The following WDFY3 variants were observed in gnomAD, a reference collection of about 807,000 sequenced individuals.
The protein encoded by WDFY3 is WD repeat and FYVE domain containing 3, also known as WD repeat and FYVE domain-containing protein 3.
In WDFY3, 66 loss-of-function variants were observed where a neutral mutation model predicts 409.6. The observed-to-expected ratio is 0.16, with a 90% CI of 0.13 to 0.20. The LOEUF (loss-of-function observed/expected upper bound fraction) is 0.20. WDFY3 is among the 10% of genes least tolerant of loss of function. The pLI is 1.00. For synonymous variants in WDFY3, 1,521 were observed against 1,537.1 expected, an observed-to-expected ratio of 0.99 and a Z score of 0.25; for missense variants, 3,031 against 4,298.1, an observed-to-expected ratio of 0.71 and a Z score of 8.24.
At chr4:84,922,271 C>T (rs560216224) in intron 2 of WDFY3, among the ~76,000 whole-genome samples, 44 of 152,152 alleles carry the variant, frequency 2.9e-4, no homozygotes, top group African/African-American at 1.0e-3. Context: ...GCCAAATATA[C>T]ATTAAAGAGT....
chr4:84,907,456 G>T (rs1326272855), intron 2 of WDFY3, among the ~76,000 whole-genome samples: 1 of 152,134 alleles, frequency 6.6e-6, no homozygotes, highest in Non-Finnish European at 1.5e-5. Flanking sequence ...TCTGCTGACA[G>T]CTAGTAAGAA....
intron 22 of WDFY3, among the ~76,000 whole-genome samples, chr4:84,788,974 C>T (rs1020225272): frequency 1.3e-5 from 2 of 151,966 alleles, no homozygotes; most frequent in African/African-American, 2.4e-5. Context: ...GAGCTGAGAT[C>T]GTGCCACTGC....
chr4:84,926,192 G>A (rs1769964305), intron 2 of WDFY3, among the ~76,000 whole-genome samples: 1 of 143,090 alleles, frequency 7.0e-6, no homozygotes, highest in African/African-American at 2.6e-5. Flanking sequence ...GCGACAGAGT[G>A]AGACTCCGTC....
At chr4:84,835,110 T>C (rs1047552434) in intron 7 of WDFY3, among the ~76,000 whole-genome samples, 7 of 152,228 alleles carry the variant, frequency 4.6e-5, no homozygotes, top group African/African-American at 1.4e-4. Flanking sequence ...TAATATTCAA[T>C]GACTTCAGTA....
At chr4:84,837,633 A>G (rs191515333) in intron 6 of WDFY3, among the ~76,000 whole-genome samples, 1 of 152,304 alleles carries the variant, frequency 6.6e-6, no homozygotes, top group East Asian at 1.9e-4. Context: ...CACTGACACA[A>G]ATACATCTCT....
intron 25 of WDFY3, 46 bp downstream of exon 25, chr4:84,782,917 G>T: frequency 6.3e-7 from 1 of 1,580,240 alleles, no homozygotes; most frequent in South Asian, 1.1e-5. Flanking sequence ...ATGCAAACTT[G>T]ATGGCAAATA....
intron 35 of WDFY3, 81 bp downstream of exon 35, chr4:84,753,616 A>G: frequency 7.1e-7 from 1 of 1,409,120 alleles, no homozygotes; most frequent in Non-Finnish European, 9.3e-7. Flanking sequence ...TGTCAAAAAA[A>G]ATCTGCTAAC....
At position 84,942,001 on chromosome 4, in the gene WDFY3, A is replaced by G. The variant is rs576644545; in HGVS notation, c.-225-9638T>C. Among the ~76,000 whole-genome samples the G allele has an allele frequency of 4.6e-5, 7 of 152,128 alleles. No homozygotes were observed. In the East Asian group the frequency reaches 1.4e-3, roughly 29 times the overall value. ...AATAAATAAATAAATAAAACTCACA[A>G]AAACTTCAGTCAACCCACACATCAC... On this transcript the variant is annotated intron_variant, in intron 1 of 67. Transcript: ENST00000295888.
At chr4:84,764,260 C>T (rs1743215102) in intron 32 of WDFY3, among the ~76,000 whole-genome samples, 1 of 152,246 alleles carries the variant, frequency 6.6e-6, no homozygotes, top group Admixed American at 6.5e-5. Flanking sequence ...TTGTGCCTTT[C>T]GTTATTTATT....
chr4:84,684,953 T>C (rs1323820661), intron 62 of WDFY3, among the ~76,000 whole-genome samples: 1 of 152,210 alleles, frequency 6.6e-6, no homozygotes, highest in Non-Finnish European at 1.5e-5. Flanking sequence ...ACAGCAACCT[T>C]GTGAGATTAT....
intron 5 of WDFY3, among the ~76,000 whole-genome samples, chr4:84,847,741 T>C (rs1451388062): frequency 8.5e-6 from 1 of 117,632 alleles, no homozygotes; most frequent in African/African-American, 3.4e-5. Flanking sequence ...GCCACTGCAC[T>C]CCAGCATGGG....
intron 18 of WDFY3, among the ~76,000 whole-genome samples, chr4:84,797,237 T>C (rs1193877013): frequency 1.3e-5 from 2 of 152,168 alleles, no homozygotes; most frequent in East Asian, 1.9e-4. Flanking sequence ...CCATTATTAA[T>C]TCTTTCCTTA....
At position 84,792,296 on chromosome 4, in the gene WDFY3, C is replaced by A. The variant is rs532023092; in HGVS notation, c.3487+2223G>T. Among the ~76,000 whole-genome samples, 3 of 152,254 alleles carry A rather than the reference C, an allele frequency of 2.0e-5. No homozygotes were observed. In the South Asian group the frequency reaches 6.2e-4, roughly 32 times the overall value. ...TGATATAGGAACTGAATAAACTAGG[C>A]AGAAAGCAGGGTCCTAAAGCCTTGA... On this transcript the variant is annotated intron_variant, in intron 21 of 67. Transcript: ENST00000295888.
At chr4:84,844,570 C>T (rs1369773286) in intron 5 of WDFY3, 2 of 1,244,656 alleles carry the variant, frequency 1.6e-6, no homozygotes, top group Middle Eastern at 2.2e-4. Flanking sequence ...ACTAATCCCA[C>T]CACAAGAGTA....
intron 2 of WDFY3, among the ~76,000 whole-genome samples, chr4:84,906,133 T>C (rs1294036640): frequency 1.3e-5 from 2 of 152,230 alleles, no homozygotes; most frequent in Admixed American, 1.3e-4. Context: ...GCCTGTCATG[T>C]AAATTTTTCT....
intron 22 of WDFY3, among the ~76,000 whole-genome samples, chr4:84,788,701 C>T (rs1198074146): frequency 6.6e-6 from 1 of 152,188 alleles, no homozygotes; most frequent in Non-Finnish European, 1.5e-5. Flanking sequence ...AATTCACACA[C>T]AAGGACAAAC....
intron 18 of WDFY3, among the ~76,000 whole-genome samples, 174 bp downstream of exon 18, chr4:84,797,822 C>T (rs572333664): frequency 1.6e-4 from 24 of 152,202 alleles, no homozygotes; most frequent in East Asian, 5.8e-4. Context: ...CCGCCCGTCT[C>T]GGCCTCCCAA....
intron 31 of WDFY3, 56 bp downstream of exon 31, chr4:84,766,196 A>G (rs1743601252): frequency 6.5e-7 from 1 of 1,530,800 alleles, no homozygotes; most frequent in Non-Finnish European, 8.8e-7. Context: ...TTTGCCTAAC[A>G]TGAATTAACT....
At chr4:84,817,326 C>T in intron 13 of WDFY3, 66 bp downstream of exon 13, 6 of 1,581,706 alleles carry the variant, frequency 3.8e-6, no homozygotes, top group Middle Eastern at 1.7e-4. Flanking sequence ...AACTTAAATA[C>T]AGATCATCTA....
Sources: allele counts gnomAD v4.1 joint callset (sites outside exome capture counted in the v4.1 genomes callset), GRCh38; gene constraint gnomAD v4.1.1; transcripts MANE v1.5; gene names NCBI Gene and HGNC (gene_info 2026-07-23, HGNC 2026-07-21).